COL5A2: variants seen among roughly 807,000 people sequenced by gnomAD.
COL5A2 encodes the protein collagen alpha-2(V) chain.
COL5A2 carries 23 observed loss-of-function variants against 208.2 expected under a neutral mutation model. The ratio of observed to expected loss-of-function variants is 0.11; its 90% confidence interval spans 0.08 to 0.16. COL5A2 has a LOEUF of 0.16. Among genes scored for constraint, COL5A2 ranks in the 10% least tolerant of loss-of-function variants. The probability of loss-of-function intolerance (pLI) is 1.00; values close to 1 mark genes in which losing one functional copy is unlikely to be tolerated. For missense variants in COL5A2, 1,590 were observed against 1,956.4 expected (o/e 0.81, Z 3.53); for synonymous variants, 625 against 628.5 (o/e 0.99, Z 0.08).
chr2:189,084,656 G>A (rs1686611216), intron 11 of COL5A2, among the ~76,000 whole-genome samples: 1 of 152,108 alleles, frequency 6.6e-6, no homozygotes, highest in Non-Finnish European at 1.5e-5. Context: ...ACTGTTCTCT[G>A]ATTACATGTT....
the COL5A2 span, among the ~76,000 whole-genome samples, chr2:189,279,545 A>G: frequency 2.6e-5 from 4 of 151,756 alleles, no homozygotes; most frequent in Admixed American, 1.3e-4. Flanking sequence ...AAAAAAAAAA[A>G]ATCAGACAAG....
the COL5A2 span, among the ~76,000 whole-genome samples, chr2:189,273,935 A>G: frequency 3.3e-5 from 5 of 152,026 alleles, no homozygotes; most frequent in Non-Finnish European, 7.4e-5. Context: ...ATTGCATAAC[A>G]TGGTGACTAC....
At chr2:189,241,225 T>C in the COL5A2 span, among the ~76,000 whole-genome samples, 3 of 152,210 alleles carry the variant, frequency 2.0e-5, no homozygotes, top group East Asian at 5.8e-4. Context: ...TACTATTTTT[T>C]TTGTAAACTT....
At chr2:189,135,351 ACAGT>A (rs1460126235) in intron 1 of COL5A2, among the ~76,000 whole-genome samples, 1 of 152,200 alleles carries the variant, frequency 6.6e-6, no homozygotes, top group African/African-American at 2.4e-5. Context: ...ATATTGCCAC[ACAGT>A]CAGTTGTGAG....
chr2:189,060,713 A>G lies in COL5A2; in HGVS notation c.2085+17T>C, dbSNP rs1456564747. ...AGCAATGTATAGTGTTGCCATTATT[A>G]TTATTTAAACACTTACTTGATCACC... On this transcript the variant is annotated intron_variant, in intron 31 of 53. Coordinates refer to ENST00000374866, the MANE Select transcript of COL5A2 (RefSeq NM_000393.5). 1 of 1,604,928 alleles carries G rather than the reference A, an allele frequency of 6.2e-7. No individual in the cohort carries two copies. The highest frequency in any genetic ancestry group is 1.7e-5 in the Admixed American group (1 of 59,978).
intron 3 of COL5A2, among the ~76,000 whole-genome samples, chr2:189,102,372 T>C (rs1455552522): frequency 6.6e-6 from 1 of 152,080 alleles, no homozygotes; most frequent in Non-Finnish European, 1.5e-5. Flanking sequence ...AGGGGTTAAG[T>C]GTTCAATTAT....
At chr2:189,279,536 A>C in the COL5A2 span, among the ~76,000 whole-genome samples, 1,069 of 151,912 alleles carry the variant, frequency 7.0e-3, 15 homozygotes, top group African/African-American at 0.024. Flanking sequence ...TTGTAAAAAA[A>C]AAAAAAAAAA....
the COL5A2 span, among the ~76,000 whole-genome samples, chr2:189,251,169 G>T: frequency 1.3e-5 from 2 of 152,086 alleles, no homozygotes; most frequent in South Asian, 4.2e-4. Flanking sequence ...TGTTGAATAT[G>T]AATTAGAAGG....
intron 37 of COL5A2, 55 bp from the exon 38 acceptor site, chr2:189,053,532 G>T: frequency 7.0e-7 from 1 of 1,422,768 alleles, no homozygotes; most frequent in Non-Finnish European, 9.9e-7. Context: ...AACAGGAACA[G>T]TATTTTAAAA....
the COL5A2 span, among the ~76,000 whole-genome samples, chr2:189,331,600 G>T: frequency 1.3e-5 from 2 of 152,156 alleles, no homozygotes; most frequent in African/African-American, 4.8e-5. Context: ...TGTAATACAT[G>T]ACTTGTTCCT....
chr2:189,433,756 AGG>A, the COL5A2 span, among the ~76,000 whole-genome samples: 4 of 152,210 alleles, frequency 2.6e-5, no homozygotes, highest in African/African-American at 9.6e-5. Context: ...CAGAGATACA[AGG>A]AGGAACTGGT....
intron 1 of COL5A2, among the ~76,000 whole-genome samples, chr2:189,130,871 A>G (rs1687699413): frequency 6.6e-6 from 1 of 152,096 alleles, no homozygotes; most frequent in Non-Finnish European, 1.5e-5. Context: ...ACTACCTTCT[A>G]TATCTTAGGC....
chr2:189,084,690 G>A (rs1317031465), intron 11 of COL5A2, among the ~76,000 whole-genome samples: 4 of 151,966 alleles, frequency 2.6e-5, no homozygotes, highest in African/African-American at 9.7e-5. Flanking sequence ...TCTGGAGTTG[G>A]GTCTTAACTT....
At chr2:189,157,542 G>C (rs1215223775) in intron 1 of COL5A2, among the ~76,000 whole-genome samples, 1 of 151,892 alleles carries the variant, frequency 6.6e-6, no homozygotes, top group Non-Finnish European at 1.5e-5. Context: ...TCACTACTCT[G>C]CAAACCTGAC....
the COL5A2 span, among the ~76,000 whole-genome samples, chr2:189,257,459 T>C: frequency 3.9e-5 from 6 of 152,236 alleles, no homozygotes; most frequent in East Asian, 1.9e-4. Context: ...TGGAAAAACA[T>C]ACTCTGAGCT....
At position 189,061,493 on chromosome 2, in the gene COL5A2, C is replaced by A. The variant is rs1391046641; in HGVS notation, c.2031+69G>T. 1.6e-5 allele frequency: 18 copies of A among 1,134,394 alleles called. No individual in the cohort carries two copies. The African/African-American group carries it at 2.9e-4, about 18-fold the overall frequency. The allele number at this position is 1,134,394 out of a possible 1,614,324, so 70.3% of individuals were successfully genotyped here. A position where few individuals can be genotyped will look rare whatever the true frequency, so the allele number is the denominator to read the frequency against. ...AGAATTTCAAATCTTCTGACCATATCTTTTTTTTTAAAAAAAAAAAGCATT... is the reference window on the plus strand; with the variant it reads ...AGAATTTCAAATCTTCTGACCATATATTTTTTTTTAAAAAAAAAAAGCATT... On this transcript the variant is annotated intron_variant, in intron 30 of 53. Coordinates refer to ENST00000374866, the MANE Select transcript of COL5A2 (RefSeq NM_000393.5).
the COL5A2 span, among the ~76,000 whole-genome samples, chr2:189,378,937 C>T: frequency 6.6e-6 from 1 of 151,864 alleles, no homozygotes; most frequent in African/African-American, 2.4e-5. Flanking sequence ...TTATATGATA[C>T]AGGCTTATTA....
At chr2:189,429,857 G>A in the COL5A2 span, among the ~76,000 whole-genome samples, 2 of 152,096 alleles carry the variant, frequency 1.3e-5, no homozygotes, top group Admixed American at 1.3e-4. Flanking sequence ...ATCATTCAGG[G>A]ATAATATTAC....
At chr2:189,251,657 T>TAAA in the COL5A2 span, among the ~76,000 whole-genome samples, 13 of 144,602 alleles carry the variant, frequency 9.0e-5, no homozygotes, top group African/African-American at 2.6e-4. Flanking sequence ...CAAAAGACAG[T>TAAA]AAAAAAAAAA....
Sources: allele counts gnomAD v4.1 joint callset (sites outside exome capture counted in the v4.1 genomes callset), GRCh38; gene constraint gnomAD v4.1.1; transcripts MANE v1.5; gene names NCBI Gene and HGNC (gene_info 2026-07-23, HGNC 2026-07-21).